Variants in LITAF observed in about 807,000 individuals in gnomAD.
LITAF encodes the protein lipopolysaccharide induced TNF factor.
In LITAF, 9 loss-of-function variants were observed where a neutral mutation model predicts 14.5. That is an observed-to-expected ratio of 0.62 (90% CI 0.37 to 1.08). LITAF has a LOEUF of 1.08. LITAF is among the 50% of genes least tolerant of loss of function. LITAF has a pLI of 0.01. For synonymous variants in LITAF, 98 were observed against 88.2 expected, an observed-to-expected ratio of 1.11 and a Z score of -0.62; for missense variants, 206 against 213.4, an observed-to-expected ratio of 0.97 and a Z score of 0.22.
chr16:11,548,470 C>G lies in LITAF; in HGVS notation c.*1167G>C, dbSNP rs1428859454. The G allele has an allele frequency of 2.2e-6, 1 of 453,956 alleles. No homozygotes were observed. Among genetic ancestry groups the G allele is most frequent in the Non-Finnish European group, 4.4e-6 (1 of 226,762 alleles). The allele number at this position is 453,956 out of a possible 1,614,324, so 28.1% of individuals were successfully genotyped here. A position where few individuals can be genotyped will look rare whatever the true frequency, so the allele number is the denominator to read the frequency against. ...TCAAAATGTGCTTTCCCTTATCTTT[C>G]AAAACCCACCACCAGGAAACCAAAA... On this transcript the variant is annotated 3_prime_UTR_variant, in exon 4 of 4. Coordinates refer to ENST00000622633, the MANE Select transcript of LITAF (RefSeq NM_001136472.2).
chr16:11,557,674 C>T (rs1481490165), intron 1 of LITAF, among the ~76,000 whole-genome samples: 1 of 152,152 alleles, frequency 6.6e-6, no homozygotes, highest in Non-Finnish European at 1.5e-5. Flanking sequence ...TGGTCTTGTA[C>T]TCCTGGGGGC....
In LITAF at chr16:11,548,757, CT is replaced by C; in HGVS notation, c.*879del. 1 of 453,514 alleles carries C rather than the reference CT, an allele frequency of 2.2e-6. No homozygotes were observed. The highest frequency in any genetic ancestry group is 4.4e-6 in the Non-Finnish European group (1 of 226,614). 28.1% of individuals were successfully genotyped at this position (453,514 alleles called of 1,614,324 possible). On this transcript the variant is annotated 3_prime_UTR_variant, in exon 4 of 4. Coordinates refer to ENST00000622633, the MANE Select transcript of LITAF (RefSeq NM_001136472.2). Reference sequence around the variant, plus strand: ...TCGGGAGGCCAAGGCAGAAGGATCGCTTGAGCCCAGGAGTTCGACACCAGCC... The same window carrying C: ...TCGGGAGGCCAAGGCAGAAGGATCGCTGAGCCCAGGAGTTCGACACCAGCC...
At chr16:11,606,831 G>T (rs2064957545) in intron 3 of LITAF, among the ~76,000 whole-genome samples, 1 of 152,092 alleles carries the variant, frequency 6.6e-6, no homozygotes, top group Admixed American at 6.5e-5. Flanking sequence ...TAGAGGTGGG[G>T]TTTTGCCATG....
chr16:11,564,180 G>A (rs76733228), intron 1 of LITAF, among the ~76,000 whole-genome samples: 11,114 of 152,130 alleles, frequency 0.073, 442 homozygotes, highest in Middle Eastern at 0.12. Context: ...AAAATGCTAT[G>A]GTTACAGGTG....
At chr16:11,572,477 T>A (rs575345441) in intron 1 of LITAF, among the ~76,000 whole-genome samples, 1 of 151,674 alleles carries the variant, frequency 6.6e-6, no homozygotes, top group Non-Finnish European at 1.5e-5. Context: ...AGAAGTCACA[T>A]GACATCACAC....
intron 1 of LITAF, among the ~76,000 whole-genome samples, chr16:11,560,788 A>G (rs1400004804): frequency 6.6e-6 from 1 of 152,148 alleles, no homozygotes; most frequent in Non-Finnish European, 1.5e-5. Context: ...CAGAAGCAGG[A>G]GGGCAGGGTG....
At chr16:11,623,537 G>A (rs1323452359) in intron 3 of LITAF, among the ~76,000 whole-genome samples, 1 of 151,872 alleles carries the variant, frequency 6.6e-6, no homozygotes, top group African/African-American at 2.4e-5. Flanking sequence ...GCGCATGACT[G>A]TAGTCTCAGC....
At chr16:11,625,009 A>T (rs1157996414) in intron 3 of LITAF, among the ~76,000 whole-genome samples, 1 of 152,122 alleles carries the variant, frequency 6.6e-6, no homozygotes, top group Non-Finnish European at 1.5e-5. Context: ...AAGGTGCCCC[A>T]ACCAACCAGC....
Position 11,553,818 on chromosome 16 carries a change from G to A in LITAF, c.221-129C>T. The A allele has an allele frequency of 9.2e-7, 1 of 1,084,322 alleles. No homozygotes were observed. Among genetic ancestry groups the A allele is most frequent in the Non-Finnish European group, 1.4e-6 (1 of 737,078 alleles). The allele number at this position is 1,084,322 out of a possible 1,614,324, so 67.2% of individuals were successfully genotyped here. ...ATTTGTACATTTGTGTTCATAGCAT[G>A]CGTTCATCGTCTGGCTATCTATGAG... On this transcript the variant is annotated intron_variant, in intron 2 of 3. Coordinates refer to ENST00000622633, the MANE Select transcript of LITAF (RefSeq NM_001136472.2). The surrounding 1 kb of genome is among the most constrained non-coding windows in gnomAD (Gnocchi z 7.7).
At chr16:11,636,593 G>C (rs2065139290), upstream of LITAF, among the ~76,000 whole-genome samples, 2 of 152,320 alleles carry the variant, frequency 1.3e-5, no homozygotes, top group Admixed American at 6.5e-5. Flanking sequence ...CCTGGCCAAT[G>C]CCAATGTTGC....
chr16:11,581,664 G>C (rs189316268), intron 1 of LITAF, among the ~76,000 whole-genome samples: 1 of 152,218 alleles, frequency 6.6e-6, no homozygotes, highest in Admixed American at 6.5e-5. Flanking sequence ...AAATGCCAAA[G>C]ACTAAGTGGG....
chr16:11,580,017 G>GA (rs1230767951), intron 1 of LITAF, among the ~76,000 whole-genome samples: 1 of 152,170 alleles, frequency 6.6e-6, no homozygotes, highest in Non-Finnish European at 1.5e-5. Flanking sequence ...TCCCAAATGT[G>GA]AAAATCCAAA....
At position 11,632,168 on chromosome 16, in the gene LITAF, C is replaced by T. The variant is rs1420119548; in HGVS notation, c.85+1365G>A. On this transcript the variant is annotated intron_variant, in intron 3 of 3. Coordinates refer to the LITAF transcript ENST00000574848. This position sits in a 1 kb window ranked among gnomAD's most constrained non-coding sequence, Gnocchi z 4.8. ...AGGCGTGAGCCACTGCGCCCGGCCT[C>T]GCAAAGAACCTATTTTCAAATCAGG... Among the ~76,000 whole-genome samples the T allele has an allele frequency of 6.6e-6, 1 of 152,102 alleles. No individual in the cohort carries two copies. The highest frequency in any genetic ancestry group is 2.4e-5 in the African/African-American group (1 of 41,434).
At chr16:11,566,125 A>T (rs2064448091) in intron 1 of LITAF, among the ~76,000 whole-genome samples, 1 of 152,168 alleles carries the variant, frequency 6.6e-6, no homozygotes, top group Non-Finnish European at 1.5e-5. Context: ...GTCAGCTGTT[A>T]TTAACTCATG....
At chr16:11,568,818 T>C (rs1236163070) in intron 1 of LITAF, among the ~76,000 whole-genome samples, 3 of 152,034 alleles carry the variant, frequency 2.0e-5, no homozygotes, top group South Asian at 4.1e-4. Context: ...TAGCTGGGAC[T>C]ACAGGCATGC....
At chr16:11,612,660 C>G (rs577757326) in intron 3 of LITAF, among the ~76,000 whole-genome samples, 1 of 152,292 alleles carries the variant, frequency 6.6e-6, no homozygotes, top group South Asian at 2.1e-4. Context: ...ACCTTCCCAC[C>G]CCACTCCCAG....
At chr16:11,569,487 T>C (rs952748633) in intron 1 of LITAF, among the ~76,000 whole-genome samples, 20 of 152,092 alleles carry the variant, frequency 1.3e-4, no homozygotes, top group African/African-American at 4.8e-4. Flanking sequence ...AGTGATCCTC[T>C]TGCCTTGGCC....
At chr16:11,604,355 T>C (rs544745792) in intron 3 of LITAF, among the ~76,000 whole-genome samples, 115 of 152,310 alleles carry the variant, frequency 7.6e-4, no homozygotes, top group African/African-American at 2.6e-3. Context: ...CATATATCAT[T>C]AGTTCATTTA....
At chr16:11,554,273 T>C (rs963307777) in intron 2 of LITAF, among the ~76,000 whole-genome samples, 1 of 152,082 alleles carries the variant, frequency 6.6e-6, no homozygotes, top group South Asian at 2.1e-4. Flanking sequence ...ACACTGTGCC[T>C]AGCAGCTCTT....
Sources: allele counts gnomAD v4.1 joint callset (sites outside exome capture counted in the v4.1 genomes callset), GRCh38; gene constraint gnomAD v4.1.1; non-coding constraint Gnocchi (gnomAD v3.1); transcripts MANE v1.5; gene names NCBI Gene and HGNC (gene_info 2026-07-23, HGNC 2026-07-21).